The following ADGRL2 variants were observed in gnomAD, a reference collection of about 807,000 sequenced individuals.
ADGRL2 encodes the protein calcium-independent alpha-latrotoxin receptor 2.
In ADGRL2, 44 loss-of-function variants were observed where a neutral mutation model predicts 157.4. The observed-to-expected ratio is 0.28, with a 90% confidence interval of 0.22 to 0.36. The LOEUF (loss-of-function observed/expected upper bound fraction) is 0.36, where lower values mean the gene tolerates loss of function less well. ADGRL2 is among the 10% of genes least tolerant of loss of function. The pLI is 1.00. For synonymous variants in ADGRL2, 585 were observed against 624.7 expected, an observed-to-expected ratio of 0.94 and a Z score of 0.95; for missense variants, 1,510 against 1,768.9, an observed-to-expected ratio of 0.85 and a Z score of 2.63.
At chr1:81,839,768 CAT>C (rs1014607985) in intron 2 of ADGRL2, among the ~76,000 whole-genome samples, 1 of 144,650 alleles carries the variant, frequency 6.9e-6, no homozygotes. Flanking sequence ...TTTTTTTCAT[CAT>C]ATATATATAT....
At chr1:81,528,642 A>G (rs11163329) in intron 2 of ADGRL2, among the ~76,000 whole-genome samples, 79,929 of 136,358 alleles carry the variant, frequency 0.59, 23,637 homozygotes, top group East Asian at 0.68. Flanking sequence ...GTGAGACTCC[A>G]TCTCAAAAAA....
Position 81,990,545 on chromosome 1 carries a change from G to C in ADGRL2, c.3810G>C (p.Glu1270Asp), listed in dbSNP as rs1479324481. ...TAAGTCTGAATGATACTGCTTTTGA[G>C]AAAATGATCATTTCAGAATTAGTGC... The part of the protein sequence containing the change: ...CGLSLNDTAF[E>D]KMIISELVHN... Residue 1270 changes from glutamate to aspartate, a missense_variant, in exon 24 of 24, where the codon GAG becomes GAC. Physicochemically the swap from Glu to Asp is conservative, Grantham distance 45. This residue lies in a region of ADGRL2 where 327 missense variants were observed against 310.1 expected (regional missense o/e 1.05). Coordinates refer to ENST00000686636, the MANE Select transcript of ADGRL2 (RefSeq NM_001366006.2). 4 of 1,614,110 alleles carry C rather than the reference G, an allele frequency of 2.5e-6. No individual in the cohort carries two copies. Among genetic ancestry groups the C allele is most frequent in the Non-Finnish European group, 3.4e-6 (4 of 1,180,010 alleles).
At chr1:81,340,525 A>G (rs1194633118) in intron 1 of ADGRL2, among the ~76,000 whole-genome samples, 1 of 152,158 alleles carries the variant, frequency 6.6e-6, no homozygotes, top group Admixed American at 6.5e-5. Flanking sequence ...GCAGTGTCAA[A>G]GGAAATTACT....
At chr1:81,421,868 A>G (rs1364453641) in intron 1 of ADGRL2, among the ~76,000 whole-genome samples, 1 of 152,182 alleles carries the variant, frequency 6.6e-6, no homozygotes, top group Non-Finnish European at 1.5e-5. Flanking sequence ...TGTTCTACCA[A>G]TCATTTTTAT....
intron 1 of ADGRL2, among the ~76,000 whole-genome samples, chr1:81,701,434 C>T (rs775385934): frequency 6.6e-5 from 10 of 152,012 alleles, no homozygotes; most frequent in African/African-American, 9.7e-5. Context: ...ACTTTTCTGT[C>T]GAATCTAGTA....
At chr1:81,779,883 A>C (rs542065006) in intron 2 of ADGRL2, among the ~76,000 whole-genome samples, 1 of 152,344 alleles carries the variant, frequency 6.6e-6, no homozygotes, top group East Asian at 1.9e-4. Flanking sequence ...TGAAATTATC[A>C]GCAAGGCCGG....
At chr1:81,728,419 C>CTTTTTTTTTTTT (rs1355125044) in intron 1 of ADGRL2, among the ~76,000 whole-genome samples, 2 of 152,172 alleles carry the variant, frequency 1.3e-5, no homozygotes, top group East Asian at 3.8e-4. Context: ...CCTTTAAATG[C>CTTTTTTTTTTTT]AGGTATTTGT....
intron 1 of ADGRL2, among the ~76,000 whole-genome samples, chr1:81,412,483 A>C (rs573856274): frequency 6.6e-6 from 1 of 152,328 alleles, no homozygotes; most frequent in South Asian, 2.1e-4. Context: ...TCTAACTTAG[A>C]AGCCTTTCTA....
chr1:81,505,899 A>G (rs955844425), intron 2 of ADGRL2: 2 of 325,594 alleles, frequency 6.1e-6, no homozygotes, highest in East Asian at 1.3e-4. Flanking sequence ...CATTAAAATC[A>G]TGTAAAAAGC....
chr1:81,888,177 A>G (rs2094171935), intron 2 of ADGRL2, among the ~76,000 whole-genome samples: 1 of 152,172 alleles, frequency 6.6e-6, no homozygotes, highest in African/African-American at 2.4e-5. Flanking sequence ...AAGTTACAAG[A>G]ATTTCAGAAG....
At chr1:81,371,991 T>C (rs1325480261) in intron 1 of ADGRL2, among the ~76,000 whole-genome samples, 1 of 152,140 alleles carries the variant, frequency 6.6e-6, no homozygotes, top group Non-Finnish European at 1.5e-5. Flanking sequence ...GGCAGTCATG[T>C]GAGAAGGGTC....
chr1:81,737,250 A>C (rs1206486360), intron 1 of ADGRL2, among the ~76,000 whole-genome samples: 1 of 152,220 alleles, frequency 6.6e-6, no homozygotes, highest in Admixed American at 6.5e-5. Flanking sequence ...TGAAGAAAAG[A>C]GGTTTAATTG....
At chr1:81,702,708 C>T (rs1403994174) in intron 1 of ADGRL2, among the ~76,000 whole-genome samples, 4 of 152,050 alleles carry the variant, frequency 2.6e-5, no homozygotes, top group Non-Finnish European at 5.9e-5. Context: ...CTTGCTGGGA[C>T]CAAAATATTA....
intron 1 of ADGRL2, among the ~76,000 whole-genome samples, chr1:81,741,738 T>C (rs1283183489): frequency 2.0e-5 from 3 of 151,990 alleles, no homozygotes; most frequent in Admixed American, 1.3e-4. Context: ...TGGTGATTAT[T>C]TGAATATCTT....
At chr1:81,350,255 T>A (rs1034028901) in intron 1 of ADGRL2, among the ~76,000 whole-genome samples, 3 of 152,190 alleles carry the variant, frequency 2.0e-5, no homozygotes, top group Non-Finnish European at 4.4e-5. Context: ...ATAGGATGCA[T>A]TGTATTAAAT....
At chr1:81,921,258 T>C (rs1292273901) in intron 3 of ADGRL2, among the ~76,000 whole-genome samples, 1 of 152,206 alleles carries the variant, frequency 6.6e-6, no homozygotes, top group Non-Finnish European at 1.5e-5. Context: ...TTTATGAGTA[T>C]ACTACTTTAA....
chr1:81,905,444 A>G (rs1012572567), intron 2 of ADGRL2, among the ~76,000 whole-genome samples: 1 of 152,156 alleles, frequency 6.6e-6, no homozygotes, highest in Non-Finnish European at 1.5e-5. Context: ...TAAGACTGCC[A>G]TCCCTGAATT....
chr1:81,713,182 C>A (rs1294548271), intron 1 of ADGRL2, among the ~76,000 whole-genome samples: 1 of 152,158 alleles, frequency 6.6e-6, no homozygotes, highest in Non-Finnish European at 1.5e-5. Context: ...GACCTAGGAT[C>A]TTCCTGGAGC....
intron 3 of ADGRL2, among the ~76,000 whole-genome samples, chr1:81,915,031 C>A (rs1320224896): frequency 6.6e-6 from 1 of 151,936 alleles, no homozygotes; most frequent in Non-Finnish European, 1.5e-5. Context: ...CTTTTATGAC[C>A]CTGCTTATCA....
Sources: gnomAD v4.1 joint callset for allele counts (sites outside exome capture counted in the v4.1 genomes callset) on GRCh38, gnomAD v4.1.1 for gene constraint, gnomAD v4.1.1 regional missense constraint, MANE v1.5 for transcripts, NCBI Gene and HGNC (gene_info 2026-07-23, HGNC 2026-07-21) for gene names.